Variants in HYAL4 observed in about 807,000 individuals in gnomAD.
HYAL4 encodes the protein hyaluronidase 4.
Under a neutral mutation model 35.2 loss-of-function variants are expected in HYAL4, and 37 were observed. The observed-to-expected ratio is 1.05, with a 90% confidence interval of 0.81 to 1.38. HYAL4 has a LOEUF of 1.38. Ranked by LOEUF, HYAL4 falls within the 40% of genes most tolerant of loss-of-function variation. HYAL4 has a pLI of 0.00. For missense variants in HYAL4, 572 were observed against 572.4 expected, an observed-to-expected ratio of 1.00 and a Z score of 0.01; for synonymous variants, 198 against 203.2, an observed-to-expected ratio of 0.97 and a Z score of 0.22.
rs764964380 is a variant in HYAL4 at position 123,874,754 on chromosome 7, A to C, written c.955-7A>C. 1 of 1,558,636 alleles carries C rather than the reference A, an allele frequency of 6.4e-7. No individual in the cohort carries two copies. Among genetic ancestry groups the C allele is most frequent in the South Asian group, 1.1e-5 (1 of 89,928 alleles). The stretch of plus-strand genomic sequence containing the variant: ...ATTAATAATGAACTCTACTGTCTTC[A>C]ATCTAGCAAGATCTAGTCAGCACCA... On this transcript the variant is annotated splice_region_variant and splice_polypyrimidine_tract_variant and intron_variant, in intron 3 of 4. Coordinates refer to ENST00000223026, the MANE Select transcript of HYAL4 (RefSeq NM_012269.3).
intron 3 of HYAL4, among the ~76,000 whole-genome samples, chr7:123,869,850 C>G (rs1368029543): frequency 1.3e-5 from 2 of 149,340 alleles, no homozygotes; most frequent in African/African-American, 2.5e-5. Flanking sequence ...CCCCCCCACC[C>G]AGCTAATTTT....
chr7:123,870,709 G>A (rs1031882981), intron 3 of HYAL4, among the ~76,000 whole-genome samples: 49 of 150,724 alleles, frequency 3.3e-4, no homozygotes, highest in Non-Finnish European at 4.9e-4. Flanking sequence ...GCAGTGAGCC[G>A]AGATTGTGCC....
intron 2 of HYAL4, among the ~76,000 whole-genome samples, chr7:123,859,626 A>G (rs985219110): frequency 6.6e-6 from 1 of 152,218 alleles, no homozygotes; most frequent in Non-Finnish European, 1.5e-5. Flanking sequence ...AGATGAGCAT[A>G]CAATTTCTCA....
At chr7:123,838,175 C>T (rs1476999813) in intron 1 of HYAL4, among the ~76,000 whole-genome samples, 1 of 151,532 alleles carries the variant, frequency 6.6e-6, no homozygotes, top group Non-Finnish European at 1.5e-5. Flanking sequence ...TCCTCTCCAG[C>T]ATGAATCCTG....
At chr7:123,778,113 C>T in the HYAL4 span, among the ~76,000 whole-genome samples, 2 of 151,658 alleles carry the variant, frequency 1.3e-5, no homozygotes, top group African/African-American at 2.4e-5. Flanking sequence ...TTTTTTTTGC[C>T]ACATTTGCTT....
At chr7:123,769,313 A>G in the HYAL4 span, among the ~76,000 whole-genome samples, 8 of 152,302 alleles carry the variant, frequency 5.3e-5, no homozygotes, top group South Asian at 1.7e-3. Context: ...TAGGAAGCCA[A>G]CTTTGGGATG....
At chr7:123,854,878 G>C (rs1045762291) in intron 2 of HYAL4, among the ~76,000 whole-genome samples, 3 of 152,160 alleles carry the variant, frequency 2.0e-5, no homozygotes. Flanking sequence ...AAGTCTCTAA[G>C]AATTTGCTTT....
intron 2 of HYAL4, among the ~76,000 whole-genome samples, chr7:123,856,005 G>A (rs56329434): frequency 0.03 from 4,510 of 151,364 alleles, 215 homozygotes; most frequent in African/African-American, 0.1. Flanking sequence ...ATTGATACTT[G>A]TGTATGCTTC....
upstream of HYAL4, among the ~76,000 whole-genome samples, chr7:123,826,796 A>T (rs1336286195): frequency 6.6e-6 from 1 of 152,100 alleles, no homozygotes; most frequent in Non-Finnish European, 1.5e-5. Flanking sequence ...GCTAGTAGTG[A>T]TCTGAAACAG....
At chr7:123,858,917 ACACAC>A (rs1806519985) in intron 2 of HYAL4, among the ~76,000 whole-genome samples, 1 of 152,202 alleles carries the variant, frequency 6.6e-6, no homozygotes, top group Admixed American at 6.5e-5. Flanking sequence ...TGTGTTGTAA[ACACAC>A]CAGGGTAGTT....
At chr7:123,848,390 C>T (rs1806221073) in intron 2 of HYAL4, among the ~76,000 whole-genome samples, 1 of 152,132 alleles carries the variant, frequency 6.6e-6, no homozygotes, top group Admixed American at 6.6e-5. Context: ...TTTCAGTTAA[C>T]TTTTTATTTA....
chr7:123,858,426 C>T (rs1806505460), intron 2 of HYAL4, among the ~76,000 whole-genome samples: 1 of 152,022 alleles, frequency 6.6e-6, no homozygotes, highest in Non-Finnish European at 1.5e-5. Context: ...ATGACTTAAT[C>T]AAATATGTGG....
intron 4 of HYAL4, 56 bp from the exon 5 acceptor site, chr7:123,876,698 T>C (rs1308836104): frequency 6.5e-7 from 1 of 1,543,868 alleles, no homozygotes; most frequent in East Asian, 2.3e-5. Context: ...ATCGATTTCT[T>C]TGTACATTTC....
At chr7:123,814,817 T>G in the HYAL4 span, 1 of 120,908 alleles carries the variant, frequency 8.3e-6, no homozygotes, top group Non-Finnish European at 1.9e-5. Flanking sequence ...CACAGGTAAT[T>G]GTCCAAATTG....
chr7:123,776,544 G>GT, the HYAL4 span, among the ~76,000 whole-genome samples: 1 of 152,068 alleles, frequency 6.6e-6, no homozygotes, highest in East Asian at 1.9e-4. Flanking sequence ...TTCCCAAGTG[G>GT]TTGGGACTAC....
intron 1 of HYAL4, among the ~76,000 whole-genome samples, chr7:123,829,446 CA>C (rs1308564172): frequency 5.9e-5 from 9 of 151,976 alleles, no homozygotes; most frequent in South Asian, 2.1e-4. Context: ...AAGCCTCTCC[CA>C]AAATATGTAT....
rs143783204 is a variant in HYAL4 at position 123,870,618 on chromosome 7, T to C, written c.954+1391T>C. Among the ~76,000 whole-genome samples, 96 of 151,894 alleles carry C rather than the reference T, an allele frequency of 6.3e-4. 1 individual carries two copies. Among genetic ancestry groups the C allele is most frequent in the Non-Finnish European group, 1.1e-3 (77 of 67,924 alleles). The stretch of plus-strand genomic sequence containing the variant: ...CTCTACTAAAAATACAAAAATTAGC[T>C]AGGTGTGGTGGTGGGTACCTGTAAT... On this transcript the variant is annotated intron_variant, in intron 3 of 4. Coordinates refer to ENST00000223026, the MANE Select transcript of HYAL4 (RefSeq NM_012269.3).
the HYAL4 span, among the ~76,000 whole-genome samples, chr7:123,798,858 C>T: frequency 2.0e-5 from 3 of 152,058 alleles, no homozygotes; most frequent in East Asian, 1.9e-4. Flanking sequence ...CTGTGTGGAA[C>T]ATAAAATTCT....
At chr7:123,850,053 A>G (rs1806267670) in intron 2 of HYAL4, among the ~76,000 whole-genome samples, 1 of 151,672 alleles carries the variant, frequency 6.6e-6, no homozygotes, top group African/African-American at 2.4e-5. Flanking sequence ...AGCTTTGGGA[A>G]TTCTTCCAAT....
Sources: gnomAD v4.1 joint callset for allele counts (sites outside exome capture counted in the v4.1 genomes callset) on GRCh38, gnomAD v4.1.1 for gene constraint, MANE v1.5 for transcripts, NCBI Gene and HGNC (gene_info 2026-07-23, HGNC 2026-07-21) for gene names.